PTPRE: variants seen among roughly 807,000 people sequenced by gnomAD.
The protein encoded by PTPRE is protein tyrosine phosphatase receptor type E, also known as receptor-type tyrosine-protein phosphatase epsilon.
A neutral mutation model predicts 102.0 loss-of-function variants in PTPRE; 51 were observed. The observed-to-expected ratio is 0.50, with a 90% CI of 0.40 to 0.63. PTPRE has a LOEUF of 0.63. PTPRE is among the 30% of genes least tolerant of loss of function. PTPRE has a pLI of 0.00. For synonymous variants in PTPRE, 345 were observed against 348.2 expected (o/e 0.99, Z 0.10); for missense variants, 752 against 915.1 (o/e 0.82, Z 2.30).
Position 128,077,762 on chromosome 10 carries a change from AC to A in PTPRE, c.1875del (p.Ile626SerfsTer16), listed in dbSNP as rs1256090525. 2 of 1,603,454 alleles carry A rather than the reference AC, an allele frequency of 1.2e-6. No individual in the cohort carries two copies. Among genetic ancestry groups the A allele is most frequent in the Admixed American group, 1.7e-5 (1 of 59,786 alleles). Reference protein sequence around the residue: ...VQKQQQQTGNHPITVHCSAGA... With the variant: ...VQKQQQQTGNXPITVHCSAGA... ...AAGCAGCAGCAGCAGACAGGCAACC[AC>A]CCCATCACCGTGCACTGCAGGTGAG... On this transcript the variant is annotated frameshift_variant, in exon 19 of 21. Coordinates refer to ENST00000254667, the MANE Select transcript of PTPRE (RefSeq NM_006504.6). LOFTEE classifies it high-confidence loss of function.
intron 1 of PTPRE, among the ~76,000 whole-genome samples, chr10:127,926,804 CTTT>C (rs150223324): frequency 0.019 from 1,563 of 82,538 alleles, 15 homozygotes; most frequent in Non-Finnish European, 0.027. Context: ...AGAGAGTTGT[CTTT>C]TTTTTTTTTT....
intron 1 of PTPRE, among the ~76,000 whole-genome samples, chr10:127,914,729 G>T (rs1846092760): frequency 6.6e-6 from 1 of 152,174 alleles, no homozygotes; most frequent in Non-Finnish European, 1.5e-5. Context: ...CACTGTTCTA[G>T]ACGTAGGAGA....
At chr10:127,965,029 T>A (rs1222290584) in intron 1 of PTPRE, 1 of 456,668 alleles carries the variant, frequency 2.2e-6, no homozygotes, top group Admixed American at 2.3e-5. Flanking sequence ...TAAGCATCTT[T>A]TTTCCTAATT....
chr10:128,056,860 G>A (rs1373948307), intron 7 of PTPRE, among the ~76,000 whole-genome samples: 1 of 151,996 alleles, frequency 6.6e-6, no homozygotes, highest in Non-Finnish European at 1.5e-5. Context: ...TGACCTGGGG[G>A]CAGCTTTCAC....
intron 3 of PTPRE, among the ~76,000 whole-genome samples, chr10:128,043,434 CGG>C: frequency 6.6e-6 from 1 of 152,262 alleles, no homozygotes; most frequent in East Asian, 1.9e-4. Flanking sequence ...GCTGATCTGA[CGG>C]GGGGCGGCGC....
rs555747143 is a variant in PTPRE, at chr10:128,059,893, A to G, written c.512-1046A>G. ...AAGGCAGAAGTGACTACAACCCACAAAAGTCATGATGGAGCCCTGACGTGT... is the reference window on the plus strand; with the variant it reads ...AAGGCAGAAGTGACTACAACCCACAGAAGTCATGATGGAGCCCTGACGTGT... On this transcript the variant is annotated intron_variant, in intron 7 of 20. Transcript: ENST00000254667. 3.9e-5 allele frequency among the ~76,000 whole-genome samples: 6 copies of G among 152,224 alleles called. No individual in the cohort carries two copies. In the South Asian group the frequency reaches 1.2e-3, roughly 32 times the overall value.
At chr10:128,012,050 C>T (rs990728824) in intron 2 of PTPRE, among the ~76,000 whole-genome samples, 8 of 152,026 alleles carry the variant, frequency 5.3e-5, no homozygotes, top group Non-Finnish European at 8.8e-5. Context: ...CTCAGAGTGA[C>T]AAGATTGTGA....
At chr10:127,981,289 G>A (rs1251711190) in intron 1 of PTPRE, among the ~76,000 whole-genome samples, 3 of 152,182 alleles carry the variant, frequency 2.0e-5, no homozygotes, top group Non-Finnish European at 4.4e-5. Context: ...GTAGATTGGT[G>A]TTGCCAGGGG....
chr10:127,951,269 G>A (rs758246369), intron 1 of PTPRE, among the ~76,000 whole-genome samples: 1 of 152,130 alleles, frequency 6.6e-6, no homozygotes, highest in African/African-American at 2.4e-5. Context: ...AACCCCTTGG[G>A]TGAAGGAGAG....
intron 2 of PTPRE, chr10:127,987,478 A>G: frequency 1.1e-5 from 7 of 634,850 alleles, no homozygotes; most frequent in Non-Finnish European, 1.6e-5. Flanking sequence ...AAAGTACCTA[A>G]AAATCAGGCT....
At chr10:128,038,857 A>G (rs1847443798) in intron 2 of PTPRE, among the ~76,000 whole-genome samples, 1 of 152,180 alleles carries the variant, frequency 6.6e-6, no homozygotes, top group South Asian at 2.1e-4. Context: ...CAGCTGGTGG[A>G]CAGGCTTTGA....
intron 2 of PTPRE, among the ~76,000 whole-genome samples, chr10:128,035,987 G>A (rs1381862542): frequency 6.6e-6 from 1 of 152,184 alleles, no homozygotes; most frequent in Non-Finnish European, 1.5e-5. Context: ...TGCCAGGAAG[G>A]ACTCCATCTC....
intron 1 of PTPRE, among the ~76,000 whole-genome samples, chr10:127,909,679 T>C (rs191701144): frequency 3.9e-5 from 6 of 152,374 alleles, no homozygotes; most frequent in African/African-American, 1.4e-4. Context: ...CTATAGTTTC[T>C]GTGAAGAGAG....
chr10:127,938,365 C>T (rs1240737940), intron 1 of PTPRE, among the ~76,000 whole-genome samples: 5 of 151,946 alleles, frequency 3.3e-5, no homozygotes. Flanking sequence ...TTATAGTCTC[C>T]TAGGAGACAT....
intron 1 of PTPRE, among the ~76,000 whole-genome samples, chr10:127,978,784 G>A (rs1851387555): frequency 6.6e-6 from 1 of 152,134 alleles, no homozygotes; most frequent in Non-Finnish European, 1.5e-5. Flanking sequence ...TCTTTGGGAG[G>A]CCGAGGAGGG....
At chr10:128,051,724 G>A (rs1023537837) in intron 6 of PTPRE, among the ~76,000 whole-genome samples, 1 of 152,256 alleles carries the variant, frequency 6.6e-6, no homozygotes, top group Non-Finnish European at 1.5e-5. Flanking sequence ...GCCCTTGGCT[G>A]AACATTGGAG....
At position 127,919,803 on chromosome 10, in the gene PTPRE, T is replaced by C. The variant is rs144642214; in HGVS notation, c.-31+12494T>C. Among the ~76,000 whole-genome samples, 13 of 152,332 alleles carry C rather than the reference T, an allele frequency of 8.5e-5. No individual in the cohort carries two copies. The East Asian group carries it at 2.5e-3, about 29-fold the overall frequency. The stretch of plus-strand genomic sequence containing the variant: ...GTGTGGAAACATCTTATGTGCAGCA[T>C]GCTTTTGTTTACAAATGATTTATTA... On this transcript the variant is annotated intron_variant, in intron 1 of 20. Transcript: ENST00000254667.
intron 5 of PTPRE, among the ~76,000 whole-genome samples, chr10:128,048,549 A>T (rs1255361531): frequency 6.6e-6 from 1 of 152,174 alleles, no homozygotes; most frequent in Non-Finnish European, 1.5e-5. Flanking sequence ...CATTAAAAGA[A>T]TATCACCAAC....
Position 128,040,922 on chromosome 10 carries a change from T to C in PTPRE, c.41T>C (p.Leu14Ser). 6.2e-7 allele frequency: 1 copy of C among 1,614,004 alleles called. No homozygotes were observed. The highest frequency in any genetic ancestry group is 1.7e-5 in the Admixed American group (1 of 59,994). The change falls in exon 3 of 21, where the codon TTG becomes TCG. Residue 14 changes from leucine (L) to serine (S), a missense_variant. This residue lies in a region of PTPRE where 116 missense variants were observed against 90.8 expected (regional missense o/e 1.28). Coordinates refer to ENST00000254667, the MANE Select transcript of PTPRE (RefSeq NM_006504.6). ...CCACTCCTGCTGGTGGGTTTTAGCT[T>C]GCCGCTCGCCAGGGCTCTCAGGGGC... ...LCPLLLVGFS[L>S]PLARALRGNE...
Sources: allele counts gnomAD v4.1 joint callset (sites outside exome capture counted in the v4.1 genomes callset), GRCh38; gene constraint gnomAD v4.1.1; regional missense constraint gnomAD v4.1.1; transcripts MANE v1.5; gene names NCBI Gene and HGNC (gene_info 2026-07-23, HGNC 2026-07-21).